ZFAT: variants seen among roughly 807,000 people sequenced by gnomAD.
ZFAT encodes the protein zinc finger protein ZFAT.
A neutral mutation model predicts 117.7 loss-of-function variants in ZFAT; 64 were observed. The observed-to-expected ratio is 0.54, with a 90% CI of 0.44 to 0.67. ZFAT has a LOEUF of 0.67. Among genes scored for constraint, ZFAT ranks in the 30% least tolerant of loss-of-function variants. ZFAT has a pLI of 0.00. For synonymous variants in ZFAT, 679 were observed against 615.0 expected, an observed-to-expected ratio of 1.10 and a Z score of -1.54; for missense variants, 1,433 against 1,584.5, an observed-to-expected ratio of 0.90 and a Z score of 1.62.
intron 1 of ZFAT, among the ~76,000 whole-genome samples, chr8:134,694,148 C>T (rs7463826): frequency 1.3e-5 from 2 of 151,930 alleles, no homozygotes; most frequent in Non-Finnish European, 2.9e-5. Flanking sequence ...GAACGCGGGG[C>T]GCAGCTGAGG....
At chr8:134,747,891 T>A in the ZFAT span, among the ~76,000 whole-genome samples, 1 of 152,232 alleles carries the variant, frequency 6.6e-6, no homozygotes, top group African/African-American at 2.4e-5. Context: ...GATAGCCACC[T>A]GGGCTTTGGT....
At chr8:134,796,099 T>C in the ZFAT span, 4 of 152,242 alleles carry the variant, frequency 2.6e-5, no homozygotes, top group African/African-American at 9.6e-5. Flanking sequence ...CTTCTCAGTA[T>C]CTTGCCTATG....
the ZFAT span, chr8:134,797,683 T>C: frequency 2.7e-3 from 418 of 152,092 alleles, no homozygotes; most frequent in African/African-American, 9.5e-3. Context: ...ATAGTAAAAA[T>C]ACCCTTGGGA....
intron 1 of ZFAT, among the ~76,000 whole-genome samples, chr8:134,663,425 A>C (rs991594775): frequency 1.3e-5 from 2 of 152,232 alleles, no homozygotes; most frequent in Non-Finnish European, 2.9e-5. Flanking sequence ...GCCAGGATTA[A>C]AGAAAATATA....
At chr8:134,734,256 G>C in the ZFAT span, among the ~76,000 whole-genome samples, 1 of 152,198 alleles carries the variant, frequency 6.6e-6, no homozygotes, top group Admixed American at 6.5e-5. Flanking sequence ...ACAACCTCAG[G>C]ATACTCCTGC....
intron 9 of ZFAT, among the ~76,000 whole-genome samples, chr8:134,585,156 A>T (rs1442529071): frequency 1.3e-5 from 2 of 152,172 alleles, no homozygotes; most frequent in Admixed American, 6.5e-5. Flanking sequence ...AGAGCACCAG[A>T]TCCCTCGTTC....
At chr8:134,571,729 C>T (rs1209335013) in intron 10 of ZFAT, among the ~76,000 whole-genome samples, 1 of 152,218 alleles carries the variant, frequency 6.6e-6, no homozygotes, top group Non-Finnish European at 1.5e-5. Context: ...ACTCATTTAA[C>T]TGTCACAATA....
intron 8 of ZFAT, among the ~76,000 whole-genome samples, chr8:134,589,849 G>A (rs2130872098): frequency 6.6e-6 from 1 of 152,352 alleles, no homozygotes; most frequent in South Asian, 2.1e-4. Context: ...CCTGAGCAGT[G>A]TGGAATATGA....
chr8:134,481,378 C>T (rs1465717486), intron 15 of ZFAT, among the ~76,000 whole-genome samples: 1 of 152,210 alleles, frequency 6.6e-6, no homozygotes, highest in African/African-American at 2.4e-5. Context: ...ACAGACCACA[C>T]ACAATACAGG....
intron 10 of ZFAT, among the ~76,000 whole-genome samples, chr8:134,572,609 T>C (rs1825004364): frequency 6.6e-6 from 1 of 152,232 alleles, no homozygotes; most frequent in Non-Finnish European, 1.5e-5. Context: ...AGTGGCCTAA[T>C]TGTGCGAATA....
At position 134,712,971 on chromosome 8, in the gene ZFAT, A is replaced by AT. The variant is rs1474358841; in HGVS notation, c.-109dup. Reference sequence around the variant, plus strand: ...TGCTGACGCTTCGCTTTTTATTTTTATTTTTTTAAGAAAAGAGCCGGCGAG... The same window carrying AT: ...TGCTGACGCTTCGCTTTTTATTTTTATTTTTTTTAAGAAAAGAGCCGGCGAG... On this transcript the variant is annotated 5_prime_UTR_variant, in exon 1 of 16. Transcript: ENST00000377838. The AT allele has an allele frequency of 1.4e-4, 184 of 1,303,082 alleles. No individual in the cohort carries two copies. Among genetic ancestry groups the AT allele is most frequent in the Non-Finnish European group, 1.8e-4 (181 of 995,418 alleles). 80.7% of individuals were successfully genotyped at this position (1,303,082 alleles called of 1,614,324 possible).
chr8:134,759,951 A>G, the ZFAT span, among the ~76,000 whole-genome samples: 5 of 146,026 alleles, frequency 3.4e-5, no homozygotes, highest in African/African-American at 5.1e-5. Flanking sequence ...AGACTGGGCA[A>G]CAGAGCAGGA....
the ZFAT span, among the ~76,000 whole-genome samples, chr8:134,825,901 G>T: frequency 1.3e-5 from 2 of 151,822 alleles, no homozygotes; most frequent in African/African-American, 4.8e-5. Context: ...GGCGCCTGTA[G>T]TCCCAGCTAC....
intron 1 of ZFAT, among the ~76,000 whole-genome samples, chr8:134,709,768 A>T (rs970054990): frequency 3.3e-5 from 5 of 152,348 alleles, no homozygotes; most frequent in African/African-American, 1.2e-4. Flanking sequence ...AAAGTTATGT[A>T]AATTGCAAGG....
chr8:134,827,930 T>TA, the ZFAT span, among the ~76,000 whole-genome samples: 1 of 152,268 alleles, frequency 6.6e-6, no homozygotes, highest in Middle Eastern at 3.4e-3. Context: ...ATTGAGAACA[T>TA]AAATCAGTCT....
chr8:134,780,077 T>C, the ZFAT span, among the ~76,000 whole-genome samples: 1,391 of 152,360 alleles, frequency 9.1e-3, 55 homozygotes, highest in Admixed American at 0.076. Context: ...TAAGTAGTTA[T>C]CTGATGTGGT....
the ZFAT span, among the ~76,000 whole-genome samples, chr8:134,787,079 T>A: frequency 6.6e-6 from 1 of 151,830 alleles, no homozygotes; most frequent in Non-Finnish European, 1.5e-5. Flanking sequence ...GAACTCCTGG[T>A]CTTAAGCTAT....
At chr8:134,666,311 C>G (rs909475668) in intron 1 of ZFAT, among the ~76,000 whole-genome samples, 1 of 152,172 alleles carries the variant, frequency 6.6e-6, no homozygotes, top group Non-Finnish European at 1.5e-5. Context: ...GTCCACACCA[C>G]AACAGTGTCA....
At chr8:134,770,934 C>G in the ZFAT span, among the ~76,000 whole-genome samples, 1 of 140,982 alleles carries the variant, frequency 7.1e-6, no homozygotes, top group African/African-American at 2.8e-5. Context: ...TTGGTCAGAC[C>G]GATTGATCTC....
Sources: allele counts gnomAD v4.1 joint callset (sites outside exome capture counted in the v4.1 genomes callset), GRCh38; gene constraint gnomAD v4.1.1; transcripts MANE v1.5; gene names NCBI Gene and HGNC (gene_info 2026-07-23, HGNC 2026-07-21).